Variants in PLCB1 observed in about 807,000 individuals in gnomAD.
PLCB1 encodes the protein phospholipase C beta 1.
In PLCB1, 46 loss-of-function variants were observed where a neutral mutation model predicts 161.8. The ratio of observed to expected loss-of-function variants is 0.28; its 90% CI spans 0.22 to 0.36. The LOEUF (loss-of-function observed/expected upper bound fraction) is 0.36. PLCB1 is among the 10% of genes least tolerant of loss of function. The probability of loss-of-function intolerance (pLI) is 1.00; values close to 1 mark genes in which losing one functional copy is unlikely to be tolerated. For synonymous variants in PLCB1, 517 were observed against 503.7 expected (o/e 1.03, Z -0.35); for missense variants, 1,016 against 1,472.5 (o/e 0.69, Z 5.07).
intron 31 of PLCB1, among the ~76,000 whole-genome samples, chr20:8,809,030 CT>C (rs1166071005): frequency 6.6e-6 from 1 of 152,150 alleles, no homozygotes; most frequent in Non-Finnish European, 1.5e-5. Context: ...CAGGGTCTCA[CT>C]GTGTTTCCTG....
At chr20:8,848,149 T>C (rs1453382003) in intron 31 of PLCB1, among the ~76,000 whole-genome samples, 2 of 152,104 alleles carry the variant, frequency 1.3e-5, no homozygotes, top group African/African-American at 4.8e-5. Flanking sequence ...TACCATCACA[T>C]TGGCCATTAA....
intron 3 of PLCB1, among the ~76,000 whole-genome samples, chr20:8,482,175 C>G (rs561005284): frequency 1.4e-5 from 2 of 138,744 alleles, no homozygotes; most frequent in Admixed American, 7.6e-5. Flanking sequence ...GTGATCTCGG[C>G]TCACTGCAAC....
At chr20:8,240,586 A>G (rs1363224825) in intron 2 of PLCB1, among the ~76,000 whole-genome samples, 1 of 151,886 alleles carries the variant, frequency 6.6e-6, no homozygotes, top group Non-Finnish European at 1.5e-5. Context: ...GTGCATAAGT[A>G]TTGGCCTTCT....
chr20:8,245,932 A>G (rs889672052), intron 2 of PLCB1, among the ~76,000 whole-genome samples: 1 of 151,946 alleles, frequency 6.6e-6, no homozygotes, highest in Non-Finnish European at 1.5e-5. Flanking sequence ...TTTTCACAAA[A>G]TCAGCAGGAG....
At chr20:8,406,926 T>A (rs892222289) in intron 3 of PLCB1, among the ~76,000 whole-genome samples, 4 of 152,170 alleles carry the variant, frequency 2.6e-5, no homozygotes, top group African/African-American at 9.7e-5. Flanking sequence ...ATGTGGTGTT[T>A]CAGAGTAGGA....
chr20:8,682,211 C>T (rs1221174798), intron 9 of PLCB1, among the ~76,000 whole-genome samples: 3 of 152,136 alleles, frequency 2.0e-5, no homozygotes, highest in Admixed American at 6.5e-5. Flanking sequence ...GTGAAAAGCA[C>T]GTGCCCAGGC....
intron 31 of PLCB1, among the ~76,000 whole-genome samples, chr20:8,791,372 TATACTTTCCAATCAGA>T (rs1983751203): frequency 6.6e-6 from 1 of 152,194 alleles, no homozygotes; most frequent in African/African-American, 2.4e-5. Context: ...CAGAAATTGC[TATACTTTCCAATCAGA>T]ATTGATCTTT....
chr20:8,262,071 G>T (rs1270376232), intron 2 of PLCB1, among the ~76,000 whole-genome samples: 1 of 151,852 alleles, frequency 6.6e-6, no homozygotes, highest in Admixed American at 6.6e-5. Context: ...TTGTTTGTTT[G>T]TTTGTTTTTG....
chr20:8,196,528 G>A (rs1225654621), intron 2 of PLCB1, among the ~76,000 whole-genome samples: 1 of 151,758 alleles, frequency 6.6e-6, no homozygotes, highest in Non-Finnish European at 1.5e-5. Context: ...TTACTAGCTG[G>A]GTTAGGAAAA....
intron 2 of PLCB1, among the ~76,000 whole-genome samples, chr20:8,293,092 C>A (rs1042167528): frequency 2.6e-5 from 4 of 152,170 alleles, no homozygotes; most frequent in Admixed American, 1.3e-4. Flanking sequence ...ATTAATGTCA[C>A]CACTGATCTC....
rs536333784 is a variant in PLCB1 at position 8,715,438 on chromosome 20, A to G, written c.1251-826A>G. On this transcript the variant is annotated intron_variant, in intron 12 of 31. Coordinates refer to ENST00000338037, the MANE Select transcript of PLCB1 (RefSeq NM_015192.4). Reference sequence around the variant, plus strand: ...CAAAGGCGTTTGCATCCATTACTTCATTTCATCTTCTCAGCACCCTCTGTC... The same window carrying G: ...CAAAGGCGTTTGCATCCATTACTTCGTTTCATCTTCTCAGCACCCTCTGTC... Among the ~76,000 whole-genome samples the G allele has an allele frequency of 2.6e-5, 4 of 152,224 alleles. No homozygotes were observed. The East Asian group carries it at 7.7e-4, about 29-fold the overall frequency.
intron 3 of PLCB1, among the ~76,000 whole-genome samples, chr20:8,467,769 A>G (rs900145448): frequency 7.9e-5 from 12 of 152,134 alleles, no homozygotes; most frequent in Non-Finnish European, 1.5e-4. Flanking sequence ...TTATCAGAAC[A>G]TGTGTCCTTG....
At chr20:8,579,882 A>G (rs36046295) in intron 3 of PLCB1, among the ~76,000 whole-genome samples, 92,908 of 151,646 alleles carry the variant, frequency 0.61, 30,482 homozygotes, top group African/African-American at 0.86. Flanking sequence ...GAAAAATGTG[A>G]GCAAGGTCTT....
At chr20:8,221,737 T>A (rs995269540) in intron 2 of PLCB1, among the ~76,000 whole-genome samples, 11 of 152,144 alleles carry the variant, frequency 7.2e-5, no homozygotes, top group Non-Finnish European at 1.5e-5. Context: ...ATGTATTATA[T>A]AAGAAACATT....
At chr20:8,406,379 T>A (rs573622250) in intron 3 of PLCB1, among the ~76,000 whole-genome samples, 1 of 152,216 alleles carries the variant, frequency 6.6e-6, no homozygotes, top group Non-Finnish European at 1.5e-5. Flanking sequence ...ATGCAGGTAA[T>A]GTTTTAAATT....
chr20:8,539,659 T>TCTTTCTTC (rs1985215202), intron 3 of PLCB1, among the ~76,000 whole-genome samples: 1 of 93,818 alleles, frequency 1.1e-5, no homozygotes, highest in Admixed American at 1.3e-4. Context: ...TTTCTTTCTT[T>TCTTTCTTC]CTTTCTTTCT....
intron 3 of PLCB1, among the ~76,000 whole-genome samples, chr20:8,628,021 A>G (rs1196554900): frequency 6.6e-6 from 1 of 152,252 alleles, no homozygotes; most frequent in Admixed American, 6.5e-5. Flanking sequence ...ATAGAGAACC[A>G]TGACACATAA....
chr20:8,756,302 T>C (rs1981734410), intron 23 of PLCB1, among the ~76,000 whole-genome samples: 1 of 152,186 alleles, frequency 6.6e-6, no homozygotes, highest in Non-Finnish European at 1.5e-5. Context: ...GATAAAGAAA[T>C]TGAAGCACAG....
At chr20:8,349,804 A>T (rs1459554704) in intron 2 of PLCB1, among the ~76,000 whole-genome samples, 2 of 152,146 alleles carry the variant, frequency 1.3e-5, no homozygotes, top group Admixed American at 1.3e-4. Context: ...TCTGAGAAGG[A>T]GATATGGAGG....
Sources: allele counts gnomAD v4.1 joint callset (sites outside exome capture counted in the v4.1 genomes callset), GRCh38; gene constraint gnomAD v4.1.1; transcripts MANE v1.5; gene names NCBI Gene and HGNC (gene_info 2026-07-23, HGNC 2026-07-21).